Variants in ADAMTSL1 observed in about 807,000 individuals in gnomAD.
ADAMTSL1 encodes the protein ADAMTS-like protein 1.
In ADAMTSL1, 126 loss-of-function variants were observed where a neutral mutation model predicts 201.8. The observed-to-expected ratio is 0.62, with a 90% confidence interval of 0.54 to 0.72. The LOEUF is 0.72. Ranked by LOEUF, ADAMTSL1 falls within the 30% of genes least tolerant of loss-of-function variation. ADAMTSL1 has a pLI of 0.00. For missense variants in ADAMTSL1, 2,679 were observed against 2,277.8 expected (o/e 1.18, Z -3.59); for synonymous variants, 1,121 against 903.4 (o/e 1.24, Z -4.32).
chr9:17,979,396 A>G (rs745412819), intron 1 of ADAMTSL1, among the ~76,000 whole-genome samples: 16 of 152,120 alleles, frequency 1.1e-4, no homozygotes, highest in Non-Finnish European at 2.4e-4. Context: ...TGACTGGATA[A>G]TTTCAAATGT....
intron 16 of ADAMTSL1, among the ~76,000 whole-genome samples, chr9:18,761,126 C>T (rs557789614): frequency 3.9e-4 from 59 of 152,282 alleles, no homozygotes; most frequent in African/African-American, 1.4e-3. Context: ...AAGTTGTAAG[C>T]AGAGTGCAGA....
chr9:18,224,432 A>C (rs10963528), intron 2 of ADAMTSL1, among the ~76,000 whole-genome samples: 25,574 of 152,066 alleles, frequency 0.17, 2,384 homozygotes, highest in East Asian at 0.24. Context: ...ACACCTCCCC[A>C]AAAGCCCACC....
intron 20 of ADAMTSL1, among the ~76,000 whole-genome samples, chr9:18,798,509 C>T (rs1330609268): frequency 1.3e-5 from 2 of 152,192 alleles, no homozygotes; most frequent in Non-Finnish European, 2.9e-5. Context: ...ATAATACATA[C>T]AACAAAAGCC....
intron 2 of ADAMTSL1, among the ~76,000 whole-genome samples, chr9:18,453,098 G>A (rs1032453975): frequency 6.6e-6 from 1 of 152,186 alleles, no homozygotes; most frequent in Non-Finnish European, 1.5e-5. Flanking sequence ...CACAGCTCTT[G>A]CTCTCTGTGC....
chr9:18,181,928 A>C (rs1828497861), intron 2 of ADAMTSL1, among the ~76,000 whole-genome samples: 1 of 152,200 alleles, frequency 6.6e-6, no homozygotes, highest in Non-Finnish European at 1.5e-5. Flanking sequence ...AAAATGTGGC[A>C]CATATACACC....
intron 2 of ADAMTSL1, among the ~76,000 whole-genome samples, chr9:18,365,740 C>T (rs779343686): frequency 2.0e-4 from 30 of 152,204 alleles, no homozygotes; most frequent in Admixed American, 5.9e-4. Flanking sequence ...GTCCATCCCC[C>T]GGGCTGTGGA....
intron 2 of ADAMTSL1, among the ~76,000 whole-genome samples, chr9:18,394,706 T>G (rs1042600656): frequency 2.6e-5 from 4 of 152,180 alleles, no homozygotes; most frequent in Admixed American, 6.5e-5. Context: ...AAGATGACAT[T>G]CATCATAAAG....
intron 1 of ADAMTSL1, among the ~76,000 whole-genome samples, chr9:17,976,112 T>A (rs1436449561): frequency 1.3e-5 from 2 of 152,136 alleles, no homozygotes; most frequent in Non-Finnish European, 2.9e-5. Context: ...TACCATACTA[T>A]TTTGATTACT....
intron 2 of ADAMTSL1, among the ~76,000 whole-genome samples, chr9:18,368,438 G>A (rs898794759): frequency 3.3e-5 from 5 of 152,148 alleles, no homozygotes; most frequent in Non-Finnish European, 5.9e-5. Context: ...ACTCATACTT[G>A]TTGCATAAGT....
intron 2 of ADAMTSL1, among the ~76,000 whole-genome samples, chr9:18,532,834 C>T (rs751137368): frequency 2.0e-5 from 3 of 151,412 alleles, no homozygotes; most frequent in African/African-American, 7.3e-5. Context: ...GATTTTAAGA[C>T]ATGTTGAATA....
chr9:18,390,488 G>A (rs1191469045), intron 2 of ADAMTSL1, among the ~76,000 whole-genome samples: 1 of 152,112 alleles, frequency 6.6e-6, no homozygotes, highest in South Asian at 2.1e-4. Flanking sequence ...CATTTCTCTC[G>A]GTCAGCTTTT....
At chr9:18,506,253 A>G (rs1262287107) in intron 2 of ADAMTSL1, among the ~76,000 whole-genome samples, 1 of 152,240 alleles carries the variant, frequency 6.6e-6, no homozygotes, top group Non-Finnish European at 1.5e-5. Context: ...TTGAATATAC[A>G]AAACTTCCAA....
chr9:18,797,594 A>T (rs990269266), intron 20 of ADAMTSL1, among the ~76,000 whole-genome samples: 12 of 152,170 alleles, frequency 7.9e-5, no homozygotes. Flanking sequence ...TAATCTGAAC[A>T]TAAATTAAAT....
chr9:18,589,864 A>G (rs1823794487), intron 4 of ADAMTSL1, among the ~76,000 whole-genome samples: 2 of 152,166 alleles, frequency 1.3e-5, no homozygotes, highest in South Asian at 2.1e-4. Flanking sequence ...CATGTACTGT[A>G]TCATTATTAA....
At chr9:18,048,105 T>G (rs1821755918) in intron 1 of ADAMTSL1, among the ~76,000 whole-genome samples, 1 of 152,218 alleles carries the variant, frequency 6.6e-6, no homozygotes, top group African/African-American at 2.4e-5. Context: ...AGTTGTTAGA[T>G]TTTTGATTTA....
intron 23 of ADAMTSL1, among the ~76,000 whole-genome samples, chr9:18,842,796 T>C (rs1825813620): frequency 6.6e-6 from 1 of 152,206 alleles, no homozygotes; most frequent in African/African-American, 2.4e-5. Flanking sequence ...GTAATGACCT[T>C]CTTGGTCTCT....
chr9:18,032,804 C>A (rs543812111), intron 1 of ADAMTSL1, among the ~76,000 whole-genome samples: 2 of 152,164 alleles, frequency 1.3e-5, no homozygotes, highest in Non-Finnish European at 2.9e-5. Flanking sequence ...TGTGGTGGAA[C>A]TGTGGGTTTT....
intron 2 of ADAMTSL1, among the ~76,000 whole-genome samples, chr9:18,176,716 G>A (rs67129034): frequency 0.15 from 22,470 of 152,092 alleles, 1,836 homozygotes; most frequent in East Asian, 0.24. Flanking sequence ...ACTAACAGGG[G>A]ATATAAAAAT....
chr9:18,434,930 G>A (rs1350286355), intron 2 of ADAMTSL1, among the ~76,000 whole-genome samples: 1 of 152,126 alleles, frequency 6.6e-6, no homozygotes, highest in Non-Finnish European at 1.5e-5. Flanking sequence ...TACTAGACTG[G>A]GAACTCCATG....
Sources: gnomAD v4.1 joint callset for allele counts (sites outside exome capture counted in the v4.1 genomes callset) on GRCh38, gnomAD v4.1.1 for gene constraint, MANE v1.5 for transcripts, NCBI Gene and HGNC (gene_info 2026-07-23, HGNC 2026-07-21) for gene names.